The following TRIM37 variants were observed in gnomAD, a reference collection of about 807,000 sequenced individuals.
TRIM37 encodes the protein tripartite motif containing 37, also known as E3 ubiquitin-protein ligase TRIM37.
TRIM37 carries 80 observed loss-of-function variants against 129.8 expected under a neutral mutation model. The ratio of observed to expected loss-of-function variants is 0.62; its 90% CI spans 0.51 to 0.74. The LOEUF (loss-of-function observed/expected upper bound fraction) is 0.74. Among genes scored for constraint, TRIM37 ranks in the 30% least tolerant of loss-of-function variants. TRIM37 has a pLI of 0.00. For missense variants in TRIM37, 1,054 were observed against 1,176.5 expected, an observed-to-expected ratio of 0.90 and a Z score of 1.52; for synonymous variants, 389 against 387.1, an observed-to-expected ratio of 1.00 and a Z score of -0.06.
chr17:58,995,254 C>T (rs1375179643), downstream of TRIM37, among the ~76,000 whole-genome samples: 7 of 152,094 alleles, frequency 4.6e-5, no homozygotes, highest in Non-Finnish European at 8.8e-5. Context: ...GGACTAGAAG[C>T]AGTGACAGTC....
In TRIM37 at chr17:59,097,552, G is replaced by GA. The variant is rs536651385; in HGVS notation, c.124-6213dup. Among the ~76,000 whole-genome samples the GA allele has an allele frequency of 2.4e-3, 349 of 148,156 alleles. 9 individuals are homozygous for GA. In the East Asian group the frequency reaches 0.054, roughly 23 times the overall value. ...CATCAAAAGGAATAAAATGCTTAGG[G>GA]AAAAAAAAAACCAAGAATTTGAAAG... is the stretch of plus-strand genomic sequence containing the variant. On this transcript the variant is annotated intron_variant, in intron 2 of 23. Transcript: ENST00000262294.
chr17:59,085,023 T>C (rs553640826), intron 4 of TRIM37, among the ~76,000 whole-genome samples: 32 of 152,254 alleles, frequency 2.1e-4, no homozygotes, highest in African/African-American at 7.7e-4. Flanking sequence ...TTATACCATA[T>C]ACACAAATAA....
downstream of TRIM37, among the ~76,000 whole-genome samples, chr17:58,996,327 G>A (rs189078839): frequency 4.1e-3 from 626 of 151,694 alleles, 3 homozygotes; most frequent in South Asian, 7.1e-3. Flanking sequence ...AAAATTAGCC[G>A]GGCGTGGTGG....
At chr17:59,063,243 G>A (rs191193597) in intron 10 of TRIM37, among the ~76,000 whole-genome samples, 1 of 151,604 alleles carries the variant, frequency 6.6e-6, no homozygotes, top group African/African-American at 2.4e-5. Context: ...GCAGTGGCAC[G>A]ATCTCAGCTC....
chr17:59,085,076 G>A (rs1464915932), intron 4 of TRIM37, among the ~76,000 whole-genome samples: 1 of 152,214 alleles, frequency 6.6e-6, no homozygotes, highest in African/African-American at 2.4e-5. Context: ...CGCAATCCCA[G>A]CACTTTAGGA....
intron 19 of TRIM37, among the ~76,000 whole-genome samples, chr17:59,026,119 A>G (rs915735387): frequency 6.6e-6 from 1 of 152,210 alleles, no homozygotes; most frequent in African/African-American, 2.4e-5. Flanking sequence ...ACCCTCGTCT[A>G]TATGGTCAAA....
chr17:59,004,503 T>C (rs74506917), intron 22 of TRIM37, among the ~76,000 whole-genome samples: 240 of 151,746 alleles, frequency 1.6e-3, no homozygotes, highest in African/African-American at 5.4e-3. Flanking sequence ...TGAAACAAAA[T>C]GGTGTTTCTT....
At chr17:59,030,291 G>A (rs900998023) in intron 18 of TRIM37, among the ~76,000 whole-genome samples, 6 of 151,926 alleles carry the variant, frequency 3.9e-5, no homozygotes, top group African/African-American at 1.5e-4. Flanking sequence ...ATTTTTAGTA[G>A]AGACAGGGTT....
In TRIM37 at chr17:58,999,294, C is replaced by G; in HGVS notation, c.*83G>C. On this transcript the variant is annotated 3_prime_UTR_variant, in exon 24 of 24. Transcript: ENST00000262294. ...AAGAAATAAGACCAAATCTGATTATCTGACTGATGACAAATTTGAGCACCA... is the reference window on the plus strand; with the variant it reads ...AAGAAATAAGACCAAATCTGATTATGTGACTGATGACAAATTTGAGCACCA... The G allele has an allele frequency of 6.2e-7, 1 of 1,609,932 alleles. No homozygotes were observed. Among genetic ancestry groups the G allele is most frequent in the Non-Finnish European group, 8.5e-7 (1 of 1,178,268 alleles).
intron 17 of TRIM37, among the ~76,000 whole-genome samples, chr17:59,035,112 T>A (rs1443795994): frequency 1.3e-5 from 2 of 152,052 alleles, no homozygotes; most frequent in Non-Finnish European, 2.9e-5. Context: ...CAGGCTGGAG[T>A]ACAGTGGCAC....
At chr17:58,979,837 A>G (rs2240518), downstream of TRIM37, 4,280 of 692,724 alleles carry the variant, frequency 6.2e-3, 161 homozygotes, top group Admixed American at 0.078. Context: ...GTCAAAAACT[A>G]TTTTATAAAT....
intron 3 of TRIM37, among the ~76,000 whole-genome samples, chr17:59,088,883 C>T (rs904610657): frequency 2.0e-5 from 3 of 152,064 alleles, no homozygotes; most frequent in African/African-American, 7.2e-5. Flanking sequence ...ATTTTCACCA[C>T]ATTAACACGT....
intron 3 of TRIM37, chr17:59,090,070 G>A (rs904797157): frequency 3.3e-5 from 5 of 151,868 alleles, no homozygotes; most frequent in African/African-American, 9.7e-5. Flanking sequence ...ATTGCACTCC[G>A]GCCTGGACGA....
intron 22 of TRIM37, among the ~76,000 whole-genome samples, chr17:59,004,112 C>A (rs2034158805): frequency 6.6e-6 from 1 of 151,034 alleles, no homozygotes; most frequent in Non-Finnish European, 1.5e-5. Context: ...CCCTGAGGGA[C>A]AGAGGAAGGA....
rs1032312219 is a variant in TRIM37, at chr17:59,015,529, G to A, written c.2576+81C>T. 8.2e-6 allele frequency: 11 copies of A among 1,342,988 alleles called. No individual in the cohort carries two copies. In the South Asian group the frequency reaches 1.1e-4, roughly 13 times the overall value. The allele number at this position is 1,342,988 out of a possible 1,614,324, so 83.2% of individuals were successfully genotyped here. A position where few individuals can be genotyped will look rare whatever the true frequency, so the allele number is the denominator to read the frequency against. The stretch of plus-strand genomic sequence containing the variant: ...AAATTAACAAGGTAGAAATTAATTT[G>A]TTCATCATGATGCATACTTAAAGTT... On this transcript the variant is annotated intron_variant, in intron 21 of 23. Coordinates refer to ENST00000262294, the MANE Select transcript of TRIM37 (RefSeq NM_015294.6).
At chr17:59,012,868 T>G (rs2035472377) in intron 21 of TRIM37, among the ~76,000 whole-genome samples, 1 of 146,962 alleles carries the variant, frequency 6.8e-6, no homozygotes, top group Non-Finnish European at 1.5e-5. Context: ...AGAGTGAGAC[T>G]CTGTCTCAAA....
intron 18 of TRIM37, among the ~76,000 whole-genome samples, chr17:59,029,088 A>C (rs2037548425): frequency 6.6e-6 from 1 of 152,210 alleles, no homozygotes. Flanking sequence ...AAAATCTAGA[A>C]ACCAAATACT....
At chr17:59,075,424 C>T (rs1342681568) in intron 8 of TRIM37, among the ~76,000 whole-genome samples, 3 of 151,650 alleles carry the variant, frequency 2.0e-5, no homozygotes, top group South Asian at 2.1e-4. Context: ...ATTAGCCGGG[C>T]GTAGTGGTGG....
chr17:59,001,394 T>C (rs1425096883), intron 23 of TRIM37, among the ~76,000 whole-genome samples: 1 of 151,244 alleles, frequency 6.6e-6, no homozygotes, highest in Non-Finnish European at 1.5e-5. Context: ...ACTGGCTGTG[T>C]TTTTTTAGTA....
Sources: gnomAD v4.1 joint callset for allele counts (sites outside exome capture counted in the v4.1 genomes callset) on GRCh38, gnomAD v4.1.1 for gene constraint, MANE v1.5 for transcripts, NCBI Gene and HGNC (gene_info 2026-07-23, HGNC 2026-07-21) for gene names.